The following QTMAN variants were observed in gnomAD, a reference collection of about 807,000 sequenced individuals.
QTMAN encodes the protein tRNA-queuosine alpha-mannosyltransferase.
chr2:144,171,374 G>T, the QTMAN span, among the ~76,000 whole-genome samples: 1 of 152,132 alleles, frequency 6.6e-6, no homozygotes, highest in African/African-American at 2.4e-5. Flanking sequence ...GGTCTGAAAT[G>T]ACCATATGTC....
the QTMAN span, among the ~76,000 whole-genome samples, chr2:144,015,809 G>A: frequency 6.6e-6 from 1 of 152,236 alleles, no homozygotes; most frequent in Admixed American, 6.5e-5. Context: ...AGGCTGTGTT[G>A]GTACAGAGAC....
At chr2:144,227,017 T>C in the QTMAN span, among the ~76,000 whole-genome samples, 151,374 of 152,266 alleles carry the variant, frequency 0.99, 75,248 homozygotes, top group East Asian at 1. Context: ...AGTACATAAT[T>C]GTTTGCTTGT....
chr2:143,977,375 C>A, the QTMAN span, among the ~76,000 whole-genome samples: 1 of 152,152 alleles, frequency 6.6e-6, no homozygotes. Flanking sequence ...GTCTCCACTC[C>A]ACTTCCAGGC....
chr2:144,302,548 CG>C, the QTMAN span, among the ~76,000 whole-genome samples: 2 of 152,086 alleles, frequency 1.3e-5, no homozygotes, highest in Non-Finnish European at 2.9e-5. Flanking sequence ...AAAAGCCACA[CG>C]GAAGATCAGG....
the QTMAN span, among the ~76,000 whole-genome samples, chr2:143,962,130 C>A: frequency 1.3e-5 from 2 of 152,016 alleles, no homozygotes; most frequent in Non-Finnish European, 2.9e-5. Context: ...TATACCATGG[C>A]CCTATTATGG....
chr2:144,104,267 A>C, the QTMAN span, among the ~76,000 whole-genome samples: 1 of 152,166 alleles, frequency 6.6e-6, no homozygotes, highest in Non-Finnish European at 1.5e-5. Context: ...GGGGCAGAAC[A>C]GTGGGTGCAG....
At chr2:144,092,870 G>GTGT in the QTMAN span, among the ~76,000 whole-genome samples, 3,738 of 140,692 alleles carry the variant, frequency 0.027, 91 homozygotes, top group African/African-American at 0.06. Context: ...AAACTTTTGG[G>GTGT]GTGTGTGTGT....
chr2:144,105,707 CA>C, the QTMAN span, among the ~76,000 whole-genome samples: 1 of 152,174 alleles, frequency 6.6e-6, no homozygotes, highest in Non-Finnish European at 1.5e-5. Context: ...AGAACTTCCC[CA>C]ATCTAGCAAG....
the QTMAN span, among the ~76,000 whole-genome samples, chr2:144,193,690 A>T: frequency 4.0e-5 from 6 of 151,732 alleles, no homozygotes; most frequent in African/African-American, 1.5e-4. Context: ...CTGGCTAATA[A>T]TTTTTTTAAA....
At chr2:144,230,431 CTTTAA>C in the QTMAN span, 16 of 152,296 alleles carry the variant, frequency 1.1e-4, no homozygotes, top group African/African-American at 3.8e-4. Context: ...TAAACATTTA[CTTTAA>C]TTTACATTCT....
chr2:144,234,839 A>T, the QTMAN span, among the ~76,000 whole-genome samples: 4 of 152,150 alleles, frequency 2.6e-5, no homozygotes, highest in African/African-American at 9.7e-5. Flanking sequence ...GCAGTGGGGG[A>T]GTGAGAACAT....
the QTMAN span, among the ~76,000 whole-genome samples, chr2:143,979,300 C>T: frequency 1.3e-5 from 2 of 151,910 alleles, no homozygotes; most frequent in Non-Finnish European, 2.9e-5. Flanking sequence ...AAAAGAAGAA[C>T]CAAACTTCAG....
At chr2:144,032,486 C>CCAT in the QTMAN span, among the ~76,000 whole-genome samples, 4 of 152,170 alleles carry the variant, frequency 2.6e-5, no homozygotes, top group Non-Finnish European at 5.9e-5. Context: ...AAAGAAAGAG[C>CCAT]CATGTACGTC....
the QTMAN span, among the ~76,000 whole-genome samples, chr2:144,204,758 G>A: frequency 1.7e-4 from 26 of 152,120 alleles, no homozygotes; most frequent in East Asian, 3.9e-4. Context: ...GTCCAAAAAC[G>A]ATAGACTGGA....
At chr2:144,160,528 G>T in the QTMAN span, among the ~76,000 whole-genome samples, 215 of 152,136 alleles carry the variant, frequency 1.4e-3, 1 homozygote, top group Non-Finnish European at 2.1e-3. Flanking sequence ...TGGAACTTTT[G>T]GTATAGAAGT....
chr2:144,134,841 G>GT, the QTMAN span, among the ~76,000 whole-genome samples: 2 of 151,660 alleles, frequency 1.3e-5, no homozygotes, highest in African/African-American at 2.4e-5. Flanking sequence ...ACAAGTGGGT[G>GT]TTTTTTTAAG....
At chr2:144,176,378 T>G in the QTMAN span, among the ~76,000 whole-genome samples, 5 of 152,076 alleles carry the variant, frequency 3.3e-5, no homozygotes, top group Non-Finnish European at 7.4e-5. Context: ...TAATAAAATA[T>G]GTACAGTTCA....
chr2:143,983,390 G>A, the QTMAN span, among the ~76,000 whole-genome samples: 5 of 151,004 alleles, frequency 3.3e-5, no homozygotes, highest in South Asian at 2.1e-4. Flanking sequence ...TTATAGCCAC[G>A]ATAACTGGTT....
At chr2:144,262,616 A>G in the QTMAN span, among the ~76,000 whole-genome samples, 3 of 74,338 alleles carry the variant, frequency 4.0e-5, no homozygotes, top group Non-Finnish European at 5.2e-5. Context: ...GAGGGGAGAT[A>G]GGAGAGGAAG....
Sources: allele counts gnomAD v4.1 joint callset (sites outside exome capture counted in the v4.1 genomes callset), GRCh38; gene constraint gnomAD v4.1.1; transcripts MANE v1.5; gene names NCBI Gene and HGNC (gene_info 2026-07-23, HGNC 2026-07-21).